Variants in PLXDC2 observed in about 807,000 individuals in gnomAD.
The protein encoded by PLXDC2 is plexin domain containing 2.
A neutral mutation model predicts 68.9 loss-of-function variants in PLXDC2; 40 were observed. The ratio of observed to expected loss-of-function variants is 0.58; its 90% CI spans 0.45 to 0.76. The LOEUF (loss-of-function observed/expected upper bound fraction) is 0.76, where lower values mean the gene tolerates loss of function less well. Ranked by LOEUF, PLXDC2 falls within the 30% of genes least tolerant of loss-of-function variation. The probability of loss-of-function intolerance (pLI) is 0.00; values close to 1 mark genes in which losing one functional copy is unlikely to be tolerated. For missense variants in PLXDC2, 644 were observed against 661.9 expected (o/e 0.97, Z 0.30); for synonymous variants, 243 against 234.2 (o/e 1.04, Z -0.34).
chr10:20,102,759 G>T (rs1833439452), intron 4 of PLXDC2, among the ~76,000 whole-genome samples: 1 of 152,206 alleles, frequency 6.6e-6, no homozygotes, highest in Admixed American at 6.5e-5. Context: ...GAACATGTCA[G>T]ATAAGCAGTT....
At chr10:20,192,017 A>T (rs947564155) in intron 9 of PLXDC2, among the ~76,000 whole-genome samples, 1 of 151,970 alleles carries the variant, frequency 6.6e-6, no homozygotes, top group Non-Finnish European at 1.5e-5. Flanking sequence ...TCTAATTCAA[A>T]CCTTACAATT....
At chr10:19,961,968 A>T (rs1410937571) in intron 1 of PLXDC2, among the ~76,000 whole-genome samples, 2 of 152,198 alleles carry the variant, frequency 1.3e-5, no homozygotes, top group African/African-American at 2.4e-5. Context: ...CTCCAATTAT[A>T]ACATCTCCTA....
At chr10:19,913,481 A>C (rs1228210710) in intron 1 of PLXDC2, among the ~76,000 whole-genome samples, 2 of 152,130 alleles carry the variant, frequency 1.3e-5, no homozygotes, top group African/African-American at 2.4e-5. Context: ...TAATACCCTC[A>C]GTTTTATTCC....
intron 1 of PLXDC2, among the ~76,000 whole-genome samples, chr10:19,836,515 A>T (rs1393760008): frequency 6.6e-6 from 1 of 152,194 alleles, no homozygotes; most frequent in Non-Finnish European, 1.5e-5. Flanking sequence ...GTTTTATGTA[A>T]CCTGAAGTCC....
intron 4 of PLXDC2, among the ~76,000 whole-genome samples, chr10:20,125,932 AC>A (rs1833767630): frequency 3.8e-5 from 1 of 26,028 alleles, no homozygotes; most frequent in Non-Finnish European, 8.1e-5. Context: ...AGAGAAATGA[AC>A]ATATATATAT....
At chr10:19,839,201 A>G (rs1170268729) in intron 1 of PLXDC2, among the ~76,000 whole-genome samples, 1 of 151,884 alleles carries the variant, frequency 6.6e-6, no homozygotes, top group Non-Finnish European at 1.5e-5. Flanking sequence ...AAAAAAAAAA[A>G]AAAAGTTACT....
intron 12 of PLXDC2, among the ~76,000 whole-genome samples, chr10:20,244,817 A>G (rs1037284000): frequency 1.1e-4 from 17 of 152,166 alleles, no homozygotes; most frequent in African/African-American, 4.1e-4. Flanking sequence ...TTATCAAACT[A>G]GAAATTTTAA....
At chr10:20,249,427 A>G (rs1342924373) in intron 13 of PLXDC2, among the ~76,000 whole-genome samples, 8 of 152,240 alleles carry the variant, frequency 5.3e-5, no homozygotes, top group Non-Finnish European at 8.8e-5. Context: ...GGATATGGAC[A>G]GGGCTGGTTC....
At chr10:20,018,781 T>C (rs1835254748) in intron 2 of PLXDC2, among the ~76,000 whole-genome samples, 1 of 152,192 alleles carries the variant, frequency 6.6e-6, no homozygotes, top group South Asian at 2.1e-4. Flanking sequence ...ATTTGAAACA[T>C]TGGCAAAAGA....
chr10:19,952,667 G>C (rs1186440494), intron 1 of PLXDC2, among the ~76,000 whole-genome samples: 1 of 152,138 alleles, frequency 6.6e-6, no homozygotes, highest in Non-Finnish European at 1.5e-5. Context: ...TTTCTAAAAT[G>C]ATTGCTTGGG....
chr10:19,886,653 C>A (rs1013007475), intron 1 of PLXDC2, among the ~76,000 whole-genome samples: 1 of 152,138 alleles, frequency 6.6e-6, no homozygotes, highest in African/African-American at 2.4e-5. Flanking sequence ...CTATGACAAA[C>A]CCACAGCCAA....
chr10:20,216,701 A>G (rs1335384664), intron 10 of PLXDC2, among the ~76,000 whole-genome samples: 1 of 152,214 alleles, frequency 6.6e-6, no homozygotes, highest in African/African-American at 2.4e-5. Context: ...AGAAACACCA[A>G]CTTCTAAGCT....
At chr10:20,026,231 T>G (rs1835400822) in intron 2 of PLXDC2, among the ~76,000 whole-genome samples, 1 of 152,168 alleles carries the variant, frequency 6.6e-6, no homozygotes, top group African/African-American at 2.4e-5. Context: ...ACTATGGTTT[T>G]TTTTTTATAT....
At chr10:19,987,462 G>A (rs2131624970) in intron 1 of PLXDC2, among the ~76,000 whole-genome samples, 1 of 152,156 alleles carries the variant, frequency 6.6e-6, no homozygotes, top group South Asian at 2.1e-4. Flanking sequence ...ATGCAAATCT[G>A]GATGTAAATG....
chr10:19,934,391 C>T (rs891186370), intron 1 of PLXDC2, among the ~76,000 whole-genome samples: 4 of 152,172 alleles, frequency 2.6e-5, no homozygotes, highest in Non-Finnish European at 4.4e-5. Flanking sequence ...GATCTTGGTA[C>T]TTCCGTGTAA....
chr10:19,923,813 C>T (rs1833498742), intron 1 of PLXDC2, among the ~76,000 whole-genome samples: 1 of 152,194 alleles, frequency 6.6e-6, no homozygotes, highest in Non-Finnish European at 1.5e-5. Context: ...CCTGTAATCC[C>T]AGCACTTTGG....
intron 1 of PLXDC2, among the ~76,000 whole-genome samples, chr10:19,948,782 C>T (rs991744984): frequency 1.3e-5 from 2 of 152,024 alleles, no homozygotes; most frequent in African/African-American, 4.8e-5. Flanking sequence ...ATTTCAGACG[C>T]TCTGCTGCCC....
chr10:20,247,705 G>T (rs551317590), intron 13 of PLXDC2, among the ~76,000 whole-genome samples: 1 of 152,040 alleles, frequency 6.6e-6, no homozygotes, highest in Non-Finnish European at 1.5e-5. Flanking sequence ...GATTTATTCT[G>T]CCCTGCAAGA....
intron 1 of PLXDC2, among the ~76,000 whole-genome samples, chr10:19,864,903 T>C (rs1837385573): frequency 6.6e-6 from 1 of 152,094 alleles, no homozygotes; most frequent in African/African-American, 2.4e-5. Context: ...CCCCTGAGTT[T>C]GGGAGGGTAA....
Sources: gnomAD v4.1 joint callset for allele counts (sites outside exome capture counted in the v4.1 genomes callset) on GRCh38, gnomAD v4.1.1 for gene constraint, MANE v1.5 for transcripts, NCBI Gene and HGNC (gene_info 2026-07-23, HGNC 2026-07-21) for gene names.